Variants in CNTN5 observed in about 807,000 individuals in gnomAD.
The protein encoded by CNTN5 is contactin-5.
In CNTN5, 77 loss-of-function variants were observed where a neutral mutation model predicts 129.1. That is an observed-to-expected ratio of 0.60 (90% confidence interval 0.50 to 0.72). The LOEUF is 0.72. Ranked by LOEUF, CNTN5 falls within the 30% of genes least tolerant of loss-of-function variation. CNTN5 has a pLI of 0.00. For missense variants in CNTN5, 1,478 were observed against 1,328.8 expected, an observed-to-expected ratio of 1.11 and a Z score of -1.75; for synonymous variants, 509 against 465.6, an observed-to-expected ratio of 1.09 and a Z score of -1.20.
intron 3 of CNTN5, among the ~76,000 whole-genome samples, chr11:99,746,703 C>T (rs1282206902): frequency 6.6e-6 from 1 of 152,180 alleles, no homozygotes; most frequent in African/African-American, 2.4e-5. Context: ...ATCTCCACTG[C>T]CCTACGCCCT....
intron 9 of CNTN5, among the ~76,000 whole-genome samples, chr11:100,003,645 C>T (rs1209749254): frequency 6.6e-6 from 1 of 152,064 alleles, no homozygotes; most frequent in Admixed American, 6.5e-5. Flanking sequence ...ATGTGGTTGC[C>T]TTTGGAAGCC....
intron 2 of CNTN5, among the ~76,000 whole-genome samples, chr11:99,504,161 G>A (rs1192340089): frequency 6.6e-6 from 1 of 152,112 alleles, no homozygotes; most frequent in East Asian, 1.9e-4. Context: ...TTTTAGAAAA[G>A]GTAGAGTTTT....
intron 3 of CNTN5, among the ~76,000 whole-genome samples, chr11:99,794,400 T>TG (rs1426718538): frequency 6.6e-6 from 1 of 152,168 alleles, no homozygotes; most frequent in East Asian, 1.9e-4. Context: ...TGCCTTTTAT[T>TG]GGGGCATTTT....
chr11:99,583,628 C>A (rs181594145), intron 3 of CNTN5, among the ~76,000 whole-genome samples: 4 of 152,192 alleles, frequency 2.6e-5, no homozygotes, highest in Admixed American at 6.5e-5. Context: ...CTGAGCCATG[C>A]GCGGGATATA....
chr11:99,180,121 A>C (rs1203773972), intron 1 of CNTN5, among the ~76,000 whole-genome samples: 1 of 152,284 alleles, frequency 6.6e-6, no homozygotes, highest in Non-Finnish European at 1.5e-5. Context: ...AGGGTAAAAA[A>C]CCTTTATCCC....
chr11:99,965,325 G>A (rs982489705), intron 8 of CNTN5, among the ~76,000 whole-genome samples: 8 of 151,774 alleles, frequency 5.3e-5, no homozygotes, highest in Non-Finnish European at 8.8e-5. Flanking sequence ...TATACACACT[G>A]CTTTGAATAT....
intron 21 of CNTN5, 108 bp from the exon 22 acceptor site, chr11:100,340,355 T>C: frequency 1.4e-6 from 1 of 731,182 alleles, no homozygotes; most frequent in Non-Finnish European, 2.2e-6. Flanking sequence ...GAGTGATTTC[T>C]TCCTATGGGT....
chr11:99,792,569 G>GTGTGTGTGTGTGTGTC (rs1945786613), intron 3 of CNTN5, among the ~76,000 whole-genome samples: 1 of 77,714 alleles, frequency 1.3e-5, no homozygotes, highest in African/African-American at 4.7e-5. Context: ...GTGTGTGTGT[G>GTGTGTGTGTGTGTGTC]TGTGTGTCTG....
chr11:100,058,096 A>C (rs1488429862), intron 9 of CNTN5, among the ~76,000 whole-genome samples: 1 of 152,158 alleles, frequency 6.6e-6, no homozygotes, highest in Non-Finnish European at 1.5e-5. Flanking sequence ...GTTTTAAACT[A>C]AACAATTACA....
intron 2 of CNTN5, among the ~76,000 whole-genome samples, chr11:99,345,361 T>C (rs1173570234): frequency 1.3e-5 from 2 of 152,206 alleles, no homozygotes; most frequent in African/African-American, 4.8e-5. Context: ...TGTGGTTTAC[T>C]CAGTCCTTTC....
At chr11:99,250,170 A>G (rs1215124587) in intron 1 of CNTN5, among the ~76,000 whole-genome samples, 2 of 151,920 alleles carry the variant, frequency 1.3e-5, no homozygotes, top group African/African-American at 2.4e-5. Context: ...TAATATAGTA[A>G]TTAGGTGGTA....
At chr11:99,534,327 G>A (rs1947823157) in intron 2 of CNTN5, among the ~76,000 whole-genome samples, 1 of 152,180 alleles carries the variant, frequency 6.6e-6, no homozygotes, top group African/African-American at 2.4e-5. Context: ...AAAGATAAAT[G>A]ATCTGCTTAT....
At chr11:99,489,130 C>CT (rs998927916) in intron 2 of CNTN5, among the ~76,000 whole-genome samples, 1 of 151,928 alleles carries the variant, frequency 6.6e-6, no homozygotes, top group Non-Finnish European at 1.5e-5. Context: ...CAATTGATTA[C>CT]TTTCTTTCCG....
At chr11:99,172,655 AT>A (rs1265262791) in intron 1 of CNTN5, among the ~76,000 whole-genome samples, 1 of 152,242 alleles carries the variant, frequency 6.6e-6, no homozygotes, top group Non-Finnish European at 1.5e-5. Flanking sequence ...TAAAATATTA[AT>A]TAAATAAGCA....
intron 8 of CNTN5, among the ~76,000 whole-genome samples, chr11:99,986,028 T>G (rs558806190): frequency 9.2e-5 from 14 of 152,326 alleles, no homozygotes; most frequent in Non-Finnish European, 1.6e-4. Flanking sequence ...GCTGAAAGCC[T>G]CTTTTCCATT....
At chr11:100,002,190 AT>A (rs549858808) in intron 9 of CNTN5, 54 bp downstream of exon 9, 40 of 1,182,838 alleles carry the variant, frequency 3.4e-5, no homozygotes, top group Non-Finnish European at 4.5e-5. Context: ...AATGTGACAT[AT>A]CTTATTTTTG....
chr11:100,143,300 A>G (rs895006683), intron 13 of CNTN5, among the ~76,000 whole-genome samples: 4 of 152,162 alleles, frequency 2.6e-5, no homozygotes, highest in African/African-American at 9.7e-5. Flanking sequence ...TTATCTCAGT[A>G]TTAAACACAT....
intron 2 of CNTN5, among the ~76,000 whole-genome samples, chr11:99,541,660 TG>T (rs1482345288): frequency 6.6e-6 from 1 of 152,156 alleles, no homozygotes; most frequent in Non-Finnish European, 1.5e-5. Context: ...ATTGAAATTT[TG>T]GGCTCAGCCA....
At chr11:99,546,159 A>G (rs1016801647) in intron 2 of CNTN5, among the ~76,000 whole-genome samples, 3 of 152,094 alleles carry the variant, frequency 2.0e-5, no homozygotes, top group Non-Finnish European at 4.4e-5. Flanking sequence ...GTAATGATGG[A>G]ATGTCATTTG....
Sources: gnomAD v4.1 joint callset for allele counts (sites outside exome capture counted in the v4.1 genomes callset) on GRCh38, gnomAD v4.1.1 for gene constraint, MANE v1.5 for transcripts, NCBI Gene and HGNC (gene_info 2026-07-23, HGNC 2026-07-21) for gene names.